NOTCH2: variants seen among roughly 807,000 people sequenced by gnomAD.
The protein encoded by NOTCH2 is notch receptor 2, also known as neurogenic locus notch homolog protein 2.
Under a neutral mutation model 235.8 loss-of-function variants are expected in NOTCH2, and 29 were observed. The observed-to-expected ratio is 0.12, with a 90% CI of 0.09 to 0.17. The LOEUF is 0.17. NOTCH2 is among the 10% of genes least tolerant of loss of function. The pLI, the probability that NOTCH2 is intolerant of heterozygous loss-of-function variation, is 1.00. For synonymous variants in NOTCH2, 1,086 were observed against 1,141.5 expected (o/e 0.95, Z 0.98); for missense variants, 2,285 against 3,150.2 (o/e 0.73, Z 6.57).
At chr1:120,003,329 T>C (rs1652839896) in intron 3 of NOTCH2, among the ~76,000 whole-genome samples, 1 of 151,480 alleles carries the variant, frequency 6.6e-6, no homozygotes, top group Admixed American at 6.6e-5. Context: ...ATCATGTGAA[T>C]TAATACTTAA....
rs2101169373 is a variant in NOTCH2 at position 119,929,125 on chromosome 1, T to C, written c.3743A>G (p.Tyr1248Cys). The change falls in exon 23 of 34, where the codon TAC (tyrosine) becomes TGC (cysteine). Residue 1248 changes from tyrosine (Y) to cysteine (C), a missense_variant. By Grantham distance (194) the Tyr-to-Cys change is radical (BLOSUM62 -2). Transcript: ENST00000256646. The part of the protein sequence containing the change: ...GGQCMDRIGG[Y>C]SCRCLPGFAG... Reference sequence around the variant, plus strand: ...AAAGCCAGGCAAGCAGCGACAACTGTAGCCTCCAATCCTATCCATGCACTG... The same window carrying C: ...AAAGCCAGGCAAGCAGCGACAACTGCAGCCTCCAATCCTATCCATGCACTG... 6.2e-7 allele frequency: 1 copy of C among 1,614,196 alleles called. No homozygotes were observed. The highest frequency in any genetic ancestry group is 8.5e-7 in the Non-Finnish European group (1 of 1,180,030).
At chr1:119,938,605 C>A (rs1215416526) in intron 19 of NOTCH2, among the ~76,000 whole-genome samples, 4 of 152,094 alleles carry the variant, frequency 2.6e-5, no homozygotes, top group Non-Finnish European at 5.9e-5. Flanking sequence ...TGGTTTTGTA[C>A]CACATTGTTT....
rs1648923554 is a variant in NOTCH2 at position 119,912,369 on chromosome 1, C to A, written c.*2937G>T. ...ATTGGTTAGGGCCAAAATCCCTAAA[C>A]CACCTCTCAACAAAACATTACACCT... On this transcript the variant is annotated 3_prime_UTR_variant, in exon 34 of 34. Coordinates refer to ENST00000256646, the MANE Select transcript of NOTCH2 (RefSeq NM_024408.4). 1 of 233,222 alleles carries A rather than the reference C, an allele frequency of 4.3e-6. No homozygotes were observed. Among genetic ancestry groups the A allele is most frequent in the Non-Finnish European group, 8.5e-6 (1 of 117,892 alleles). 14.4% of individuals were successfully genotyped at this position (233,222 alleles called of 1,614,324 possible).
At position 119,916,444 on chromosome 1, in the gene NOTCH2, C is replaced by T; in HGVS notation, c.6278G>A (p.Ser2093Asn). ...VICGPNRSFL[S>N]LKHTPMGKKS... The stretch of plus-strand genomic sequence containing the variant: ...CTTGCCCATTGGGGTGTGCTTCAGG[C>T]TGAGGAAAGATCTGTTGGGCCCACA... The change falls in exon 34 of 34, where the codon AGC (serine) becomes AAC (asparagine). Residue 2093 changes from serine to asparagine, a missense_variant. Physicochemically the swap from Ser to Asn is conservative, Grantham distance 46. Transcript: ENST00000256646. 6.2e-7 allele frequency: 1 copy of T among 1,613,814 alleles called. No individual in the cohort carries two copies. Among genetic ancestry groups the T allele is most frequent in the African/African-American group, 1.3e-5 (1 of 75,030 alleles).
chr1:119,938,631 T>C (rs1445194425), intron 19 of NOTCH2, among the ~76,000 whole-genome samples: 1 of 152,158 alleles, frequency 6.6e-6, no homozygotes, highest in Non-Finnish European at 1.5e-5. Flanking sequence ...TGTGCACTCA[T>C]ATGATTATCA....
chr1:119,975,578 G>A lies in NOTCH2; in HGVS notation c.875-5834C>T, dbSNP rs148266603. ...GGAGAATCGCTTGAATCCAGGAGGC[G>A]GAGGTGGCAGTGATCTGAGATCGTG... On this transcript the variant is annotated intron_variant, in intron 5 of 33. Transcript: ENST00000256646. 6.3e-3 allele frequency among the ~76,000 whole-genome samples: 949 copies of A among 151,704 alleles called. 11 individuals carry two copies. The highest frequency in any genetic ancestry group is 0.02 in the African/African-American group (832 of 41,362).
chr1:120,048,111 T>C (rs1570784455), intron 1 of NOTCH2, among the ~76,000 whole-genome samples: 1 of 149,848 alleles, frequency 6.7e-6, no homozygotes, highest in East Asian at 2.0e-4. Context: ...GTAATCTGTT[T>C]TTAAAAAGTG....
intron 17 of NOTCH2, among the ~76,000 whole-genome samples, chr1:119,945,118 C>T (rs1381582368): frequency 6.6e-6 from 1 of 152,060 alleles, no homozygotes; most frequent in East Asian, 1.9e-4. Flanking sequence ...AGCTCTTCTC[C>T]TCTATATGAA....
rs1439068660 is a variant in NOTCH2 at position 119,911,688 on chromosome 1, C to T, written c.*3618G>A. ...AATTTCACTTAAGGAATGTTACAAA[C>T]CAATCATTTACATAACAGCATAATT... is the stretch of plus-strand genomic sequence containing the variant. On this transcript the variant is annotated 3_prime_UTR_variant, in exon 34 of 34. Transcript: ENST00000256646. 4.3e-6 allele frequency: 1 copy of T among 232,950 alleles called. No homozygotes were observed. Among genetic ancestry groups the T allele is most frequent in the Admixed American group, 5.6e-5 (1 of 17,776 alleles). 14.4% of individuals were successfully genotyped at this position (232,950 alleles called of 1,614,324 possible). A position where few individuals can be genotyped will look rare whatever the true frequency, so the allele number is the denominator to read the frequency against.
intron 14 of NOTCH2, among the ~76,000 whole-genome samples, chr1:119,951,706 T>C (rs1312899523): frequency 6.6e-6 from 1 of 152,200 alleles, no homozygotes; most frequent in African/African-American, 2.4e-5. Context: ...AGTACCCAAA[T>C]ACTGCACACC....
At chr1:119,930,926 G>A (rs1189779870) in intron 22 of NOTCH2, among the ~76,000 whole-genome samples, 9 of 151,182 alleles carry the variant, frequency 6.0e-5, no homozygotes, top group Admixed American at 1.3e-4. Context: ...GTGAAACCCC[G>A]TCTCCACTAA....
At chr1:120,012,884 A>G (rs1286723514) in intron 2 of NOTCH2, among the ~76,000 whole-genome samples, 1 of 147,384 alleles carries the variant, frequency 6.8e-6, no homozygotes, top group Admixed American at 6.8e-5. Flanking sequence ...GACAGTCTGG[A>G]AATTCCTTGC....
At chr1:119,921,435 A>G (rs901572786) in intron 29 of NOTCH2, among the ~76,000 whole-genome samples, 1 of 152,232 alleles carries the variant, frequency 6.6e-6, no homozygotes, top group Non-Finnish European at 1.5e-5. Flanking sequence ...TACACACACC[A>G]TTCCTGACTT....
rs782323295 is a variant in NOTCH2 at position 119,968,228 on chromosome 1, G to C, written c.1113C>G (p.Leu371=). 3.7e-6 allele frequency: 6 copies of C among 1,613,690 alleles called. No individual in the cohort carries two copies. The African/African-American group carries it at 8.0e-5, about 22-fold the overall frequency. Residue 371 remains leucine (L), a synonymous_variant, in exon 7 of 34, where the codon CTC becomes CTG. Transcript: ENST00000256646. The stretch of plus-strand genomic sequence containing the variant: ...TGCATGCATCATCCAGATGACACAG[G>C]AGACCTGTCACAGGGTGGGGCAAAG... The part of the protein sequence containing the change: ...SCMCPEGKAG[L]LCHLDDACIS...
chr1:119,917,517 A>T, intron 33 of NOTCH2, 148 bp downstream of exon 33: 1 of 699,578 alleles, frequency 1.4e-6, no homozygotes, highest in South Asian at 1.5e-5. Context: ...CAATATCCTC[A>T]TCAAGCTCTC....
chr1:119,985,818 G>A (rs1651999007), intron 5 of NOTCH2, among the ~76,000 whole-genome samples: 1 of 152,052 alleles, frequency 6.6e-6, no homozygotes, highest in Admixed American at 6.6e-5. Context: ...GTCACAAAAA[G>A]TACAGAGGGT....
At chr1:119,938,686 C>CT (rs1195488133) in intron 19 of NOTCH2, among the ~76,000 whole-genome samples, 176 of 145,868 alleles carry the variant, frequency 1.2e-3, no homozygotes, top group East Asian at 8.3e-3. Flanking sequence ...TATATTCATT[C>CT]TTTTTTTTTT....
chr1:119,944,497 T>G (rs1553196830), intron 17 of NOTCH2, among the ~76,000 whole-genome samples: 2 of 141,276 alleles, frequency 1.4e-5, no homozygotes, highest in East Asian at 4.2e-4. Context: ...TTCACGCCAC[T>G]GCACTCCAGC....
intron 2 of NOTCH2, among the ~76,000 whole-genome samples, chr1:120,015,178 G>A (rs1175698186): frequency 6.6e-6 from 1 of 152,180 alleles, no homozygotes; most frequent in African/African-American, 2.4e-5. Context: ...AAAGTCTCAT[G>A]TGGGTTGCGT....
Sources: gnomAD v4.1 joint callset for allele counts (sites outside exome capture counted in the v4.1 genomes callset) on GRCh38, gnomAD v4.1.1 for gene constraint, MANE v1.5 for transcripts, NCBI Gene and HGNC (gene_info 2026-07-23, HGNC 2026-07-21) for gene names.